The following ZNF230 variants were observed in gnomAD, a reference collection of about 807,000 sequenced individuals.
The protein encoded by ZNF230 is zinc finger protein 230.
In ZNF230, 12 loss-of-function variants were observed where a neutral mutation model predicts 10.0. The observed-to-expected ratio is 1.20, with a 90% confidence interval of 0.77 to 1.95. ZNF230 has a LOEUF of 1.95. Among genes scored for constraint, ZNF230 ranks in the 30% most tolerant of loss-of-function variants. ZNF230 has a pLI of 0.00. For synonymous variants in ZNF230, 174 were observed against 193.6 expected (o/e 0.90, Z 0.84); for missense variants, 532 against 565.8 (o/e 0.94, Z 0.61).
intron 2 of ZNF230, 110 bp from the exon 3 acceptor site, chr19:44,008,680 T>C (rs928949573): frequency 1.5e-6 from 2 of 1,344,090 alleles, no homozygotes; most frequent in Non-Finnish European, 2.0e-6. Context: ...ACAGAATGAG[T>C]GGGAAATCTA....
chr19:44,004,126 G>T (rs928284826), intron 1 of ZNF230: 1 of 152,210 alleles, frequency 6.6e-6, no homozygotes, highest in Non-Finnish European at 1.5e-5. Context: ...CGTGGGCTTG[G>T]ACGTCTAGGA....
At chr19:44,009,442 C>T (rs989732680) in intron 4 of ZNF230, 28 of 537,388 alleles carry the variant, frequency 5.2e-5, no homozygotes, top group Admixed American at 1.7e-4. Context: ...ATTAAAGTTA[C>T]AACCTCTTTA....
intron 2 of ZNF230, among the ~76,000 whole-genome samples, chr19:44,007,463 A>G (rs1338220339): frequency 6.6e-6 from 1 of 152,080 alleles, no homozygotes; most frequent in Admixed American, 6.5e-5. Flanking sequence ...CCAAGATAAC[A>G]TGTCCTTCTG....
rs1176344509 is a variant in ZNF230, at chr19:44,010,326, G to A, written c.287G>A (p.Trp96Ter). The change falls in exon 5 of 5, where the codon TGG becomes TAG. Residue 96 changes from tryptophan to a stop codon, truncating the protein, a stop_gained. Coordinates refer to ENST00000429154, the MANE Select transcript of ZNF230 (RefSeq NM_006300.4). LOFTEE classifies it low-confidence loss of function (END_TRUNC). ...GAAGACTGCCCTTGCCAGCAAATCT[G>A]GGAACAAACTGCAAGTGACTTAACC... ...PHEDCPCQQIWEQTASDLTQS... is the reference protein window; with the variant it reads ...PHEDCPCQQI 1.2e-6 allele frequency: 2 copies of A among 1,613,906 alleles called. No individual in the cohort carries two copies. Among genetic ancestry groups the A allele is most frequent in the Non-Finnish European group, 1.7e-6 (2 of 1,179,964 alleles).
intron 2 of ZNF230, among the ~76,000 whole-genome samples, chr19:44,007,992 G>A (rs1340358995): frequency 6.6e-6 from 1 of 152,186 alleles, no homozygotes. Flanking sequence ...TTTATTACAT[G>A]TAGGTAGCAA....
rs934761863 is a variant in ZNF230, at chr19:44,013,855, A to G, written c.*2391A>G. On this transcript the variant is annotated 3_prime_UTR_variant, in exon 5 of 5. Coordinates refer to ENST00000429154, the MANE Select transcript of ZNF230 (RefSeq NM_006300.4). ...AGTAAATTTAGTGCAATAAATTTGC[A>G]AACTTATTAACGTTAATCACTTACC... 6.6e-6 allele frequency: 1 copy of G among 152,202 alleles called. No individual in the cohort carries two copies. The highest frequency in any genetic ancestry group is 1.5e-5 in the Non-Finnish European group (1 of 68,036). 9.4% of individuals were successfully genotyped at this position (152,202 alleles called of 1,614,324 possible). A position where few individuals can be genotyped will look rare whatever the true frequency, so the allele number is the denominator to read the frequency against.
Position 44,011,583 on chromosome 19 carries a change from A to C in ZNF230, c.*119A>C. On this transcript the variant is annotated 3_prime_UTR_variant, in exon 5 of 5. Transcript: ENST00000429154. ...AATTAACATTTCTTTGTTTTGGGAAAATTCAAAATCCATTGTTCTAGCGAT... is the reference window on the plus strand; with the variant it reads ...AATTAACATTTCTTTGTTTTGGGAACATTCAAAATCCATTGTTCTAGCGAT... The C allele has an allele frequency of 9.0e-7, 1 of 1,115,568 alleles. No individual in the cohort carries two copies. Among genetic ancestry groups the C allele is most frequent in the East Asian group, 2.6e-5 (1 of 37,978 alleles). The allele number at this position is 1,115,568 out of a possible 1,614,324, so 69.1% of individuals were successfully genotyped here.
rs1976177057 is a variant in ZNF230 at position 44,011,095 on chromosome 19, G to A, written c.1056G>A (p.Leu352=). ...GCTTCAGATGGTCCTCATATCTTTT[G>A]ATCCATCAGCGAATCCACAGTGGAG... ...GKSFRWSSYL[L]IHQRIHSGEK... Residue 352 remains leucine (L), a synonymous_variant, in exon 5 of 5, where the codon TTG becomes TTA. Transcript: ENST00000429154. 6.2e-7 allele frequency: 1 copy of A among 1,614,190 alleles called. No homozygotes were observed. Among genetic ancestry groups the A allele is most frequent in the Non-Finnish European group, 8.5e-7 (1 of 1,180,026 alleles).
chr19:44,005,997 A>G (rs1158749522), intron 1 of ZNF230, among the ~76,000 whole-genome samples: 1 of 151,716 alleles, frequency 6.6e-6, no homozygotes, highest in Non-Finnish European at 1.5e-5. Flanking sequence ...CACATTCCAC[A>G]GTTTCTTTAG....
intron 4 of ZNF230, among the ~76,000 whole-genome samples, chr19:44,009,631 C>A (rs1306261546): frequency 1.3e-5 from 2 of 152,164 alleles, no homozygotes; most frequent in Non-Finnish European, 2.9e-5. Context: ...ACAGATTAAA[C>A]AACACTTTTG....
chr19:44,004,540 T>C (rs1363772268), intron 1 of ZNF230: 1 of 151,964 alleles, frequency 6.6e-6, no homozygotes, highest in Admixed American at 6.6e-5. Context: ...GAGACCAGCC[T>C]GGCCAACATG....
At chr19:44,008,663 G>C (rs920379883) in intron 2 of ZNF230, 127 bp from the exon 3 acceptor site, 1 of 1,195,888 alleles carries the variant, frequency 8.4e-7, no homozygotes, top group African/African-American at 1.5e-5. Flanking sequence ...TCACTGTCAG[G>C]ATACAGACAG....
In ZNF230 at chr19:44,010,364, T is replaced by A; in HGVS notation, c.325T>A (p.Ser109Thr). 1 of 1,614,198 alleles carries A rather than the reference T, an allele frequency of 6.2e-7. No individual in the cohort carries two copies. The highest frequency in any genetic ancestry group is 8.5e-7 in the Non-Finnish European group (1 of 1,180,022). ...AAGTGACTTAACCCAGTCTCAAGACTCCATCATAAATAATTCTCACTTCTT... is the reference window on the plus strand; with the variant it reads ...AAGTGACTTAACCCAGTCTCAAGACACCATCATAAATAATTCTCACTTCTT... ...TASDLTQSQDSIINNSHFFEQ... is the reference protein window; with the variant it reads ...TASDLTQSQDTIINNSHFFEQ... Residue 109 changes from serine (S) to threonine (T), a missense_variant, in exon 5 of 5, where the codon TCC becomes ACC. Physicochemically the swap from Ser to Thr is moderately conservative, Grantham distance 58 (BLOSUM62 1). Transcript: ENST00000429154.
At chr19:44,006,864 C>T in intron 1 of ZNF230, 147 bp from the exon 2 acceptor site, 1 of 415,984 alleles carries the variant, frequency 2.4e-6, no homozygotes, top group South Asian at 7.5e-5. Context: ...ATCCATTTAC[C>T]CAGAGGAAGG....
chr19:44,009,036 T>C (rs755105883), intron 3 of ZNF230, 48 bp from the exon 4 acceptor site: 1 of 1,607,980 alleles, frequency 6.2e-7, no homozygotes, highest in Non-Finnish European at 8.5e-7. Flanking sequence ...TACCTTGATA[T>C]TACCTAGAAT....
Position 44,012,064 on chromosome 19 carries a change from ACTGATTTCCTTTG to A in ZNF230, c.*603_*615del. 1 of 193,192 alleles carries A rather than the reference ACTGATTTCCTTTG, an allele frequency of 5.2e-6. No individual in the cohort carries two copies. The highest frequency in any genetic ancestry group is 9.0e-5 in the South Asian group (1 of 11,104). The allele number at this position is 193,192 out of a possible 1,614,324, so 12.0% of individuals were successfully genotyped here. A position where few individuals can be genotyped will look rare whatever the true frequency, so the allele number is the denominator to read the frequency against. On this transcript the variant is annotated 3_prime_UTR_variant, in exon 5 of 5. Transcript: ENST00000429154. Reference sequence around the variant, plus strand: ...GGTAGTGTAGATATCTGATCCACATACTGATTTCCTTTGCTTTGGATATACTCAATAGTGGGAT... The same window carrying A: ...GGTAGTGTAGATATCTGATCCACATACTTTGGATATACTCAATAGTGGGAT...
intron 4 of ZNF230, among the ~76,000 whole-genome samples, chr19:44,009,681 C>T (rs1478972580): frequency 6.6e-6 from 1 of 152,162 alleles, no homozygotes; most frequent in African/African-American, 2.4e-5. Flanking sequence ...CACCCCTCAC[C>T]CTCGAAAGGA....
At chr19:44,008,405 A>G (rs1195800403) in intron 2 of ZNF230, among the ~76,000 whole-genome samples, 2 of 152,206 alleles carry the variant, frequency 1.3e-5, no homozygotes, top group Non-Finnish European at 2.9e-5. Context: ...GAAAAGTGAT[A>G]GCATCCAGGG....
intron 2 of ZNF230, 144 bp from the exon 3 acceptor site, chr19:44,008,646 A>G: frequency 3.8e-6 from 4 of 1,056,264 alleles, no homozygotes; most frequent in Non-Finnish European, 5.5e-6. Flanking sequence ...GGTGGAGCTC[A>G]GGAAAATCAC....
Sources: gnomAD v4.1 joint callset for allele counts (sites outside exome capture counted in the v4.1 genomes callset) on GRCh38, gnomAD v4.1.1 for gene constraint, MANE v1.5 for transcripts, NCBI Gene and HGNC (gene_info 2026-07-23, HGNC 2026-07-21) for gene names.